The following ATPAF2 variants were observed in gnomAD, a reference collection of about 807,000 sequenced individuals.
The protein encoded by ATPAF2 is ATP synthase mitochondrial F1 complex assembly factor 2, also known as ATP12 homolog.
ATPAF2 carries 30 observed loss-of-function variants against 36.6 expected under a neutral mutation model. The ratio of observed to expected loss-of-function variants is 0.82; its 90% confidence interval spans 0.61 to 1.11. The LOEUF (loss-of-function observed/expected upper bound fraction) is 1.11, where lower values mean the gene tolerates loss of function less well. ATPAF2 is among the 50% of genes most tolerant of loss of function. The probability of loss-of-function intolerance (pLI) is 0.00; values close to 1 mark genes in which losing one functional copy is unlikely to be tolerated. For synonymous variants in ATPAF2, 140 were observed against 152.6 expected, an observed-to-expected ratio of 0.92 and a Z score of 0.61; for missense variants, 321 against 372.3, an observed-to-expected ratio of 0.86 and a Z score of 1.13.
At chr17:18,032,815 C>T (rs1202734578) in intron 1 of ATPAF2, among the ~76,000 whole-genome samples, 1 of 151,706 alleles carries the variant, frequency 6.6e-6, no homozygotes, top group African/African-American at 2.4e-5. Context: ...GCAGGAGGTA[C>T]CAAACTTTCT....
intron 7 of ATPAF2, among the ~76,000 whole-genome samples, chr17:18,019,747 C>T (rs1297773673): frequency 6.6e-6 from 1 of 152,266 alleles, no homozygotes; most frequent in Admixed American, 6.5e-5. Flanking sequence ...GCTACACAAG[C>T]TATTTGAACT....
chr17:18,016,769 G>A, downstream of ATPAF2: 1 of 675,680 alleles, frequency 1.5e-6, no homozygotes, highest in Non-Finnish European at 2.5e-6. Flanking sequence ...GAGAGTTGCT[G>A]GGCATCTCTC....
At chr17:18,037,906 T>C (rs948445295) in intron 1 of ATPAF2, among the ~76,000 whole-genome samples, 3 of 152,248 alleles carry the variant, frequency 2.0e-5, no homozygotes, top group South Asian at 2.1e-4. Flanking sequence ...TCATCTATCA[T>C]GGCTCAGCTT....
At chr17:18,030,830 C>CTTTTT (rs34365252) in intron 1 of ATPAF2, among the ~76,000 whole-genome samples, 3 of 80,114 alleles carry the variant, frequency 3.7e-5, no homozygotes, top group Non-Finnish European at 4.6e-5. Context: ...CCACGCCTGG[C>CTTTTT]TTTTTTTTTT....
chr17:18,035,343 T>C (rs1237400758), intron 1 of ATPAF2, among the ~76,000 whole-genome samples: 1 of 152,138 alleles, frequency 6.6e-6, no homozygotes, highest in Non-Finnish European at 1.5e-5. Flanking sequence ...CAGGGAAATC[T>C]ATAAAAGAAC....
At chr17:18,035,306 C>T (rs1357452003) in intron 1 of ATPAF2, among the ~76,000 whole-genome samples, 1 of 151,964 alleles carries the variant, frequency 6.6e-6, no homozygotes, top group Non-Finnish European at 1.5e-5. Flanking sequence ...AAAAAGACCA[C>T]ATTCTATTTA....
chr17:18,016,452 T>C (rs528966536), downstream of ATPAF2: 7 of 876,194 alleles, frequency 8.0e-6, no homozygotes, highest in South Asian at 1.2e-4. Context: ...CAAATGAGGT[T>C]TGCAGATCTA....
intron 2 of ATPAF2, 83 bp from the exon 3 acceptor site, chr17:18,028,460 T>C (rs1232648625): frequency 6.3e-7 from 1 of 1,583,666 alleles, no homozygotes; most frequent in African/African-American, 1.3e-5. Flanking sequence ...CTTGAATTGG[T>C]GCAGACAAAG....
Position 18,026,355 on chromosome 17 carries a change from CG to C in ATPAF2, c.385del (p.Arg129GlyfsTer4). 6.2e-7 allele frequency: 1 copy of C among 1,614,162 alleles called. No individual in the cohort carries two copies. The highest frequency in any genetic ancestry group is 8.5e-7 in the Non-Finnish European group (1 of 1,180,028). On this transcript the variant is annotated frameshift_variant, in exon 4 of 8. Coordinates refer to ENST00000474627, the MANE Select transcript of ATPAF2 (RefSeq NM_145691.4). LOFTEE classifies it high-confidence loss of function. The stretch of plus-strand genomic sequence containing the variant: ...GGTGTCCAGAAACTTCACGGCTGCC[CG>C]GATCAGCTGATCCTTGTTTCTCTGG... ...PTQRNKDQLI[R>X]AAVKFLDTDT...
chr17:18,015,942 C>T, downstream of ATPAF2: 1 of 1,017,028 alleles, frequency 9.8e-7, no homozygotes, highest in South Asian at 1.5e-5. Context: ...CAAAGGTGGG[C>T]TCTGCTCTGA....
At chr17:18,034,706 A>T (rs1003479385) in intron 1 of ATPAF2, among the ~76,000 whole-genome samples, 2 of 152,242 alleles carry the variant, frequency 1.3e-5, no homozygotes, top group African/African-American at 4.8e-5. Flanking sequence ...TTACCATTTG[A>T]CCCAGTAATT....
At chr17:18,022,877 G>A (rs2044490388) in intron 5 of ATPAF2, among the ~76,000 whole-genome samples, 1 of 152,028 alleles carries the variant, frequency 6.6e-6, no homozygotes, top group Admixed American at 6.6e-5. Context: ...TGTAATCCCA[G>A]CACTTTGGGA....
rs143710995 is a variant in ATPAF2, at chr17:18,018,355, G to A, written c.*194C>T. 6 of 685,400 alleles carry A rather than the reference G, an allele frequency of 8.8e-6. No homozygotes were observed. Among genetic ancestry groups the A allele is most frequent in the East Asian group, 5.4e-5 (2 of 37,176 alleles). 42.5% of individuals were successfully genotyped at this position (685,400 alleles called of 1,614,324 possible). ...ACATTCACTGCTGGCCAGGCCAGGG[G>A]CACCTGGGTTGAAATCAGGCTGACC... On this transcript the variant is annotated 3_prime_UTR_variant, in exon 8 of 8. Coordinates refer to ENST00000474627, the MANE Select transcript of ATPAF2 (RefSeq NM_145691.4).
downstream of ATPAF2, chr17:18,015,210 C>A (rs1245371942): frequency 2.0e-5 from 3 of 152,206 alleles, no homozygotes; most frequent in African/African-American, 7.2e-5. Context: ...ATATTAACAT[C>A]TTAAGATTGC....
intron 7 of ATPAF2, among the ~76,000 whole-genome samples, chr17:18,019,860 CTGTT>C (rs928317709): frequency 9.4e-4 from 143 of 152,328 alleles, no homozygotes; most frequent in Middle Eastern, 3.4e-3. Context: ...GGTTATTCCT[CTGTT>C]TGTAGAGGAT....
intron 4 of ATPAF2, chr17:18,026,075 C>T (rs2044540763): frequency 1.7e-6 from 1 of 587,010 alleles, no homozygotes; most frequent in Non-Finnish European, 3.1e-6. Flanking sequence ...TGCATAACCA[C>T]CCTCCCAGCC....
At chr17:18,019,183 A>ACACACACACC (rs1396685458) in intron 7 of ATPAF2, among the ~76,000 whole-genome samples, 1 of 150,716 alleles carries the variant, frequency 6.6e-6, no homozygotes, top group Non-Finnish European at 1.5e-5. Context: ...ACACACACAC[A>ACACACACACC]CACCCCACCA....
intron 1 of ATPAF2, among the ~76,000 whole-genome samples, chr17:18,031,337 C>T (rs1425139861): frequency 3.3e-5 from 5 of 152,094 alleles, no homozygotes; most frequent in African/African-American, 1.2e-4. Context: ...TTTGCTATCA[C>T]TAATACTTAC....
Position 18,018,555 on chromosome 17 carries a change from C to G in ATPAF2, c.864G>C (p.Lys288Asn), listed in dbSNP as rs1274707634. The G allele has an allele frequency of 3.7e-6, 6 of 1,613,522 alleles. No individual in the cohort carries two copies. The highest frequency in any genetic ancestry group is 5.1e-6 in the Non-Finnish European group (6 of 1,179,996). Residue 288 changes from lysine to asparagine, a missense_variant, in exon 8 of 8, where the codon AAG becomes AAC. This residue lies in a region of ATPAF2 where 199 missense variants were observed against 220.6 expected (regional missense o/e 0.90). Coordinates refer to ENST00000474627, the MANE Select transcript of ATPAF2 (RefSeq NM_145691.4). ...AGTGTGCTCTGCCCAGGCCTCACTC[C>G]TTCAGGAGCTTGTGCTTGACTGTGG... Reference protein sequence around the residue: ...ESTTVKHKLLKE With the variant: ...ESTTVKHKLLNE
Sources: allele counts gnomAD v4.1 joint callset (sites outside exome capture counted in the v4.1 genomes callset), GRCh38; gene constraint gnomAD v4.1.1; regional missense constraint gnomAD v4.1.1; transcripts MANE v1.5; gene names NCBI Gene and HGNC (gene_info 2026-07-23, HGNC 2026-07-21).